Variants in PPP4R4 observed in about 807,000 individuals in gnomAD.
PPP4R4 encodes serine/threonine-protein phosphatase 4 regulatory subunit 4.
PPP4R4 carries 70 observed loss-of-function variants against 121.8 expected under a neutral mutation model. The observed-to-expected ratio is 0.57, with a 90% CI of 0.47 to 0.70. The LOEUF (loss-of-function observed/expected upper bound fraction) is 0.70. Among genes scored for constraint, PPP4R4 ranks in the 30% least tolerant of loss-of-function variants. The pLI is 0.00. For missense variants in PPP4R4, 875 were observed against 1,033.6 expected (o/e 0.85, Z 2.10); for synonymous variants, 348 against 355.7 (o/e 0.98, Z 0.24).
At chr14:94,217,630 T>G (rs183191887) in intron 3 of PPP4R4, among the ~76,000 whole-genome samples, 386 of 152,224 alleles carry the variant, frequency 2.5e-3, no homozygotes, top group Admixed American at 5.3e-3. Context: ...AAAAATCCAC[T>G]GAAAAAACAA....
intron 3 of PPP4R4, among the ~76,000 whole-genome samples, chr14:94,218,708 C>T (rs539189488): frequency 7.2e-6 from 1 of 138,186 alleles, no homozygotes; most frequent in East Asian, 2.4e-4. Context: ...CGCGCGCGCA[C>T]ACACCCTCAC....
At chr14:94,184,871 A>G (rs1296452592) in intron 2 of PPP4R4, among the ~76,000 whole-genome samples, 3 of 152,228 alleles carry the variant, frequency 2.0e-5, no homozygotes, top group Non-Finnish European at 4.4e-5. Flanking sequence ...AAAGATTTGT[A>G]ATGCAACTAA....
chr14:94,208,941 C>A (rs749337857), intron 3 of PPP4R4, among the ~76,000 whole-genome samples: 1 of 151,626 alleles, frequency 6.6e-6, no homozygotes, highest in African/African-American at 2.4e-5. Flanking sequence ...AGCTGATATT[C>A]CTAATAATTG....
intron 23 of PPP4R4, among the ~76,000 whole-genome samples, chr14:94,268,340 G>A (rs1369626873): frequency 1.3e-5 from 2 of 152,172 alleles, no homozygotes; most frequent in African/African-American, 2.4e-5. Flanking sequence ...GTTTATTCAT[G>A]ATTTTGTAAC....
rs1893957030 is a variant in PPP4R4 at position 94,264,875 on chromosome 14, C to T, written c.2128-3C>T. 1 of 1,595,054 alleles carries T rather than the reference C, an allele frequency of 6.3e-7. No homozygotes were observed. The highest frequency in any genetic ancestry group is 8.5e-7 in the Non-Finnish European group (1 of 1,170,666). ...TTAATGCAAGATACTGTCTTAATAA[C>T]AGGAACAATTAGAGAAAGAAAAGCA... On this transcript the variant is annotated splice_polypyrimidine_tract_variant and splice_region_variant and intron_variant, in intron 19 of 24. Coordinates refer to ENST00000304338, the MANE Select transcript of PPP4R4 (RefSeq NM_058237.2).
rs746544215 is a variant in PPP4R4, at chr14:94,241,847, T to C, written c.1036T>C (p.Leu346=). 1.2e-6 allele frequency: 2 copies of C among 1,609,066 alleles called. No individual in the cohort carries two copies. Among genetic ancestry groups the C allele is most frequent in the Admixed American group, 1.7e-5 (1 of 58,876 alleles). The stretch of plus-strand genomic sequence containing the variant: ...GGAATTTTATAAGAAACTTTGTACA[T>C]TGGGTTTGCAACAAGAAAATGGACA... ...FLEFYKKLCT[L]GLQQENGHNE... is the part of the protein sequence containing the mutation. The change falls in exon 10 of 25, where the codon TTG becomes CTG. Residue 346 remains leucine, a synonymous_variant. Transcript: ENST00000304338.
chr14:94,184,775 T>C (rs538397426), intron 2 of PPP4R4, among the ~76,000 whole-genome samples: 1 of 152,350 alleles, frequency 6.6e-6, no homozygotes, highest in Non-Finnish European at 1.5e-5. Flanking sequence ...AATATTGGTA[T>C]ATGGTAATCA....
intron 2 of PPP4R4, among the ~76,000 whole-genome samples, chr14:94,183,154 G>C (rs1162053235): frequency 6.6e-6 from 1 of 152,094 alleles, no homozygotes; most frequent in Admixed American, 6.5e-5. Flanking sequence ...TGTGTGATTA[G>C]TTTTTCTTAG....
intron 7 of PPP4R4, among the ~76,000 whole-genome samples, chr14:94,236,765 A>G (rs1216902600): frequency 2.0e-5 from 3 of 152,352 alleles, no homozygotes; most frequent in East Asian, 3.9e-4. Context: ...CATTGGAGAA[A>G]GTTCTACTTG....
chr14:94,240,486 T>G (rs957935126), intron 8 of PPP4R4, among the ~76,000 whole-genome samples, 187 bp from the exon 9 acceptor site: 8 of 152,142 alleles, frequency 5.3e-5, no homozygotes, highest in Admixed American at 6.5e-5. Flanking sequence ...AAGTTTTTGA[T>G]CATTTCAAGC....
At chr14:94,180,172 C>T (rs1888898389) in intron 2 of PPP4R4, among the ~76,000 whole-genome samples, 1 of 152,162 alleles carries the variant, frequency 6.6e-6, no homozygotes, top group Non-Finnish European at 1.5e-5. Context: ...TTCCCTACTT[C>T]CTTGCTACTT....
chr14:94,260,988 A>G (rs763423616), intron 19 of PPP4R4, among the ~76,000 whole-genome samples: 10 of 151,956 alleles, frequency 6.6e-5, no homozygotes, highest in African/African-American at 1.2e-4. Context: ...TATATAATAT[A>G]TGTTTATTTT....
intron 3 of PPP4R4, among the ~76,000 whole-genome samples, chr14:94,227,020 A>G (rs1190420662): frequency 6.6e-6 from 1 of 152,178 alleles, no homozygotes; most frequent in Non-Finnish European, 1.5e-5. Flanking sequence ...GGAGTGTATT[A>G]TGTTGTTTTA....
intron 1 of PPP4R4, 31 bp downstream of exon 1, chr14:94,174,613 G>C: frequency 6.2e-7 from 1 of 1,604,322 alleles, no homozygotes; most frequent in Non-Finnish European, 8.5e-7. Context: ...CTGCCCTCAC[G>C]GCGTCCGGCC....
intron 15 of PPP4R4, 27 bp from the exon 16 acceptor site, chr14:94,251,722 T>A: frequency 1.3e-6 from 2 of 1,494,164 alleles, no homozygotes; most frequent in Non-Finnish European, 1.8e-6. Flanking sequence ...AAAATTAACT[T>A]AAGATAATTT....
chr14:94,278,577 T>C (rs1894765277), intron 24 of PPP4R4, 42 bp from the exon 25 acceptor site: 3 of 1,435,274 alleles, frequency 2.1e-6, no homozygotes, highest in Non-Finnish European at 2.9e-6. Flanking sequence ...ACTCCCTCCT[T>C]CCCCACCCTC....
chr14:94,235,236 A>AT (rs1892270702), intron 7 of PPP4R4, among the ~76,000 whole-genome samples: 1 of 151,934 alleles, frequency 6.6e-6, no homozygotes. Flanking sequence ...TAAAGAAGAA[A>AT]TTTTTTTCTG....
intron 2 of PPP4R4, among the ~76,000 whole-genome samples, chr14:94,193,910 T>A (rs1218563252): frequency 6.6e-6 from 1 of 152,186 alleles, no homozygotes; most frequent in East Asian, 1.9e-4. Flanking sequence ...CATTGGGGAA[T>A]GTCACATTTG....
rs945312779 is a variant in PPP4R4, at chr14:94,221,606, G to C, written c.295-8981G>C. ...TAAGAAAAGATGTTCAACATCATTAGTCATTAGGACAATGTGAGTAAATCT... is the reference window on the plus strand; with the variant it reads ...TAAGAAAAGATGTTCAACATCATTACTCATTAGGACAATGTGAGTAAATCT... On this transcript the variant is annotated intron_variant, in intron 3 of 24. Transcript: ENST00000304338. Among the ~76,000 whole-genome samples the C allele has an allele frequency of 2.6e-5, 4 of 152,026 alleles. No individual in the cohort carries two copies. The East Asian group carries it at 7.7e-4, about 29-fold the overall frequency.
Sources: gnomAD v4.1 joint callset for allele counts (sites outside exome capture counted in the v4.1 genomes callset) on GRCh38, gnomAD v4.1.1 for gene constraint, MANE v1.5 for transcripts, NCBI Gene and HGNC (gene_info 2026-07-23, HGNC 2026-07-21) for gene names.